The following DGKG variants were observed in gnomAD, a reference collection of about 807,000 sequenced individuals.
DGKG encodes diacylglycerol kinase gamma.
In DGKG, 78 loss-of-function variants were observed where a neutral mutation model predicts 105.3. That is an observed-to-expected ratio of 0.74 (90% CI 0.62 to 0.89). DGKG has a LOEUF of 0.89. Ranked by LOEUF, DGKG falls within the 40% of genes least tolerant of loss-of-function variation. The pLI, the probability that DGKG is intolerant of heterozygous loss-of-function variation, is 0.00. For synonymous variants in DGKG, 346 were observed against 367.1 expected (o/e 0.94, Z 0.66); for missense variants, 958 against 1,020.1 (o/e 0.94, Z 0.83).
chr3:186,193,733 C>G lies in DGKG; in HGVS notation c.1918-5354G>C, dbSNP rs1044922213. ...GCCGGCCCCGGGGCCCGCTCCCCGG[C>G]GGGTTCCCGAGCTAAATCCTCCAAC... On this transcript the variant is annotated intron_variant, in intron 21 of 24. Coordinates refer to ENST00000265022, the MANE Select transcript of DGKG (RefSeq NM_001346.3). Among the ~76,000 whole-genome samples the G allele has an allele frequency of 2.6e-5, 4 of 152,308 alleles. No individual in the cohort carries two copies. The East Asian group carries it at 5.8e-4, about 22-fold the overall frequency.
In DGKG at chr3:186,272,107, G is replaced by C. The variant is rs1722343402; in HGVS notation, c.999+148C>G. The C allele has an allele frequency of 4.8e-6, 3 of 629,642 alleles. No homozygotes were observed. The East Asian group carries it at 8.5e-5, about 18-fold the overall frequency. 39.0% of individuals were successfully genotyped at this position (629,642 alleles called of 1,614,324 possible). ...CAGGAAGGTGCTGAATGGATGGATG[G>C]ATGAACGGGATGGTTTACAGGTGGT... On this transcript the variant is annotated intron_variant, in intron 11 of 24. Transcript: ENST00000265022.
chr3:186,204,498 G>C (rs576460145), intron 21 of DGKG, among the ~76,000 whole-genome samples: 14 of 152,264 alleles, frequency 9.2e-5, no homozygotes, highest in African/African-American at 3.4e-4. Context: ...CTCATTATTT[G>C]TGCTAAATGT....
intron 24 of DGKG, 163 bp downstream of exon 24, chr3:186,161,439 CA>C: frequency 6.9e-7 from 1 of 1,442,402 alleles, no homozygotes; most frequent in Non-Finnish European, 9.1e-7. Flanking sequence ...TAAGAGTTGC[CA>C]GGTAAATGAG....
In DGKG at chr3:186,147,851, CT is replaced by C; in HGVS notation, c.*2238del. ...AAACAAGTGGCTTCCAAGATAGTACCTGTAGTAATTCTGGAGCTTGTTGGTC... is the reference window on the plus strand; with the variant it reads ...AAACAAGTGGCTTCCAAGATAGTACCGTAGTAATTCTGGAGCTTGTTGGTC... On this transcript the variant is annotated 3_prime_UTR_variant, in exon 25 of 25. Transcript: ENST00000265022. 1 of 985,392 alleles carries C rather than the reference CT, an allele frequency of 1.0e-6. No homozygotes were observed. Among genetic ancestry groups the C allele is most frequent in the Non-Finnish European group, 1.2e-6 (1 of 829,930 alleles). 61.0% of individuals were successfully genotyped at this position (985,392 alleles called of 1,614,324 possible).
chr3:186,211,641 G>A (rs1185968941), intron 21 of DGKG, among the ~76,000 whole-genome samples, 154 bp downstream of exon 21: 1 of 152,182 alleles, frequency 6.6e-6, no homozygotes, highest in Non-Finnish European at 1.5e-5. Flanking sequence ...TTCTGAGTGA[G>A]CGTATGGAGG....
At chr3:186,177,579 G>T (rs1411436383) in intron 22 of DGKG, among the ~76,000 whole-genome samples, 1 of 152,152 alleles carries the variant, frequency 6.6e-6, no homozygotes, top group Non-Finnish European at 1.5e-5. Flanking sequence ...TTGTTCTAAA[G>T]ATATTTCTTA....
rs1727247085 is a variant in DGKG at position 186,361,847 on chromosome 3, C to G, written c.-249+99G>C. 1 of 152,522 alleles carries G rather than the reference C, an allele frequency of 6.6e-6. No homozygotes were observed. Among genetic ancestry groups the G allele is most frequent in the Non-Finnish European group, 1.5e-5 (1 of 68,306 alleles). 9.4% of individuals were successfully genotyped at this position (152,522 alleles called of 1,614,324 possible). ...GCTTTGGCTGCAGCCCCTTCCCTGG[C>G]CGCGGGACCGGCTCCCGCTTTGCCC... On this transcript the variant is annotated intron_variant, in intron 1 of 24. Transcript: ENST00000265022. The surrounding 1 kb of genome is among the most constrained non-coding windows in gnomAD (Gnocchi z 6.8).
intron 9 of DGKG, 40 bp downstream of exon 9, chr3:186,279,811 G>T: frequency 6.2e-7 from 1 of 1,605,118 alleles, no homozygotes; most frequent in South Asian, 1.1e-5. Context: ...CAATGTTCCT[G>T]AATGGCAAGA....
Position 186,251,828 on chromosome 3 carries a change from G to C in DGKG, c.1692C>G (p.Pro564=). ...GGTCCCCGTTTTCCACTTCCTCTCT[G>C]GGGATGACTTCCAGATGCCAGCGGT... ...MLDRWHLEVI[P]REEVENGDQV... The change falls in exon 19 of 25, where the codon CCC becomes CCG. Residue 564 remains proline (P), a synonymous_variant. Coordinates refer to ENST00000265022, the MANE Select transcript of DGKG (RefSeq NM_001346.3). 6.2e-7 allele frequency: 1 copy of C among 1,613,892 alleles called. No individual in the cohort carries two copies. Among genetic ancestry groups the C allele is most frequent in the Non-Finnish European group, 8.5e-7 (1 of 1,179,850 alleles).
chr3:186,348,746 G>A (rs898996159), intron 1 of DGKG, among the ~76,000 whole-genome samples: 13 of 151,896 alleles, frequency 8.6e-5, no homozygotes, highest in African/African-American at 3.1e-4. Flanking sequence ...CCACGGCACC[G>A]GTTGGTTCAT....
intron 1 of DGKG, among the ~76,000 whole-genome samples, chr3:186,343,512 C>T (rs1364103251): frequency 6.6e-6 from 1 of 152,032 alleles, no homozygotes; most frequent in Non-Finnish European, 1.5e-5. Context: ...AGGCTGGTCT[C>T]AATTTCCTGA....
At chr3:186,273,693 C>T (rs972766724) in intron 10 of DGKG, among the ~76,000 whole-genome samples, 2 of 152,092 alleles carry the variant, frequency 1.3e-5, no homozygotes, top group Non-Finnish European at 2.9e-5. Flanking sequence ...TTCTTTAGCC[C>T]GTTGATGCTT....
chr3:186,321,686 C>T (rs554417394), intron 1 of DGKG, among the ~76,000 whole-genome samples: 10 of 152,234 alleles, frequency 6.6e-5, no homozygotes, highest in African/African-American at 9.6e-5. Flanking sequence ...CTGGATGAGA[C>T]GACCAAGTTG....
chr3:186,272,283 G>A lies in DGKG; in HGVS notation c.971C>T (p.Thr324Met), dbSNP rs372349494. ...ACCACTCCTTTTGGCTTTTGAGTAC[G>A]TTTTGACACAACCAGGAATGTTTCT... ...VSRNIPGCVK[T>M]YSKAKRSGEV... Residue 324 changes from threonine (T) to methionine (M), a missense_variant, in exon 11 of 25, where the codon ACG becomes ATG. By Grantham distance (81) the Thr-to-Met change is moderately conservative (BLOSUM62 -1). This residue lies in a region of DGKG where 643 missense variants were observed against 619.5 expected (regional missense o/e 1.04). Coordinates refer to ENST00000265022, the MANE Select transcript of DGKG (RefSeq NM_001346.3). The A allele has an allele frequency of 9.9e-6, 16 of 1,613,840 alleles. No individual in the cohort carries two copies. Among genetic ancestry groups the A allele is most frequent in the African/African-American group, 2.7e-5 (2 of 75,028 alleles).
intron 1 of DGKG, among the ~76,000 whole-genome samples, chr3:186,323,050 T>G (rs187571997): frequency 5.3e-5 from 8 of 152,350 alleles, no homozygotes; most frequent in Admixed American, 3.9e-4. Flanking sequence ...AGCCTCCTGC[T>G]GCTCTCCCTG....
chr3:186,207,942 C>T (rs779755851), intron 21 of DGKG, among the ~76,000 whole-genome samples: 17 of 152,360 alleles, frequency 1.1e-4, no homozygotes, highest in Non-Finnish European at 2.4e-4. Flanking sequence ...CCACAAGCTT[C>T]GTTTCAGAGA....
At chr3:186,342,571 T>C (rs1288512364) in intron 1 of DGKG, among the ~76,000 whole-genome samples, 1 of 152,134 alleles carries the variant, frequency 6.6e-6, no homozygotes, top group Admixed American at 6.5e-5. Context: ...TGATTTTTTG[T>C]TTTGTTTTAT....
chr3:186,215,960 T>C (rs576805654), intron 20 of DGKG, among the ~76,000 whole-genome samples: 1 of 151,528 alleles, frequency 6.6e-6, no homozygotes, highest in African/African-American at 2.4e-5. Flanking sequence ...AGATAAGTGA[T>C]GAATAAGACA....
intron 5 of DGKG, among the ~76,000 whole-genome samples, chr3:186,291,091 G>A (rs558001444): frequency 6.6e-6 from 1 of 152,294 alleles, no homozygotes; most frequent in African/African-American, 2.4e-5. Context: ...CTGTTTCCAA[G>A]TAACCTAACT....
Sources: allele counts gnomAD v4.1 joint callset (sites outside exome capture counted in the v4.1 genomes callset), GRCh38; gene constraint gnomAD v4.1.1; regional missense constraint gnomAD v4.1.1; non-coding constraint Gnocchi (gnomAD v3.1); transcripts MANE v1.5; gene names NCBI Gene and HGNC (gene_info 2026-07-23, HGNC 2026-07-21).